The following PSEN1 variants were observed in gnomAD, a reference collection of about 807,000 sequenced individuals.
PSEN1 encodes the protein presenilin-1.
PSEN1 carries 15 observed loss-of-function variants against 53.5 expected under a neutral mutation model. The ratio of observed to expected loss-of-function variants is 0.28; its 90% CI spans 0.19 to 0.43. PSEN1 has a LOEUF of 0.43. PSEN1 is among the 20% of genes least tolerant of loss of function. The probability of loss-of-function intolerance (pLI) is 1.00; values close to 1 mark genes in which losing one functional copy is unlikely to be tolerated. For missense variants in PSEN1, 387 were observed against 571.2 expected (o/e 0.68, Z 3.29); for synonymous variants, 208 against 209.8 (o/e 0.99, Z 0.08).
intron 5 of PSEN1, among the ~76,000 whole-genome samples, chr14:73,180,829 T>C (rs913822234): frequency 1.3e-5 from 2 of 152,238 alleles, no homozygotes; most frequent in Non-Finnish European, 1.5e-5. Context: ...GAAATGCATA[T>C]GAAAATAACA....
chr14:73,221,043 GTTTAGAATA>G lies in PSEN1; in HGVS notation c.*1758_*1766del, dbSNP rs1050428784. 6.6e-6 allele frequency: 1 copy of G among 152,170 alleles called. No homozygotes were observed. Among genetic ancestry groups the G allele is most frequent in the African/African-American group, 2.4e-5 (1 of 41,436 alleles). 9.4% of individuals were successfully genotyped at this position (152,170 alleles called of 1,614,324 possible). A position where few individuals can be genotyped will look rare whatever the true frequency, so the allele number is the denominator to read the frequency against. On this transcript the variant is annotated 3_prime_UTR_variant, in exon 12 of 12. Coordinates refer to ENST00000324501, the MANE Select transcript of PSEN1 (RefSeq NM_000021.4). ...GACCTGGTTTGGGGCTGTCTTTGGTGTTTAGAATATTTGTTTTCTGTCCCAGGATATTTC... is the reference window on the plus strand; with the variant it reads ...GACCTGGTTTGGGGCTGTCTTTGGTGTTTGTTTTCTGTCCCAGGATATTTC...
intron 5 of PSEN1, among the ~76,000 whole-genome samples, chr14:73,175,044 G>A (rs1898004941): frequency 6.6e-6 from 1 of 152,178 alleles, no homozygotes; most frequent in Non-Finnish European, 1.5e-5. Flanking sequence ...TGTTCGGCCA[G>A]GCATGGTGGC....
In PSEN1 at chr14:73,219,825, G is replaced by T. The variant is rs201525609; in HGVS notation, c.*536G>T. ...ATGGGGAATGGAGAGGTGGGCAGGG[G>T]TTCCAGCTTCCCTTTGATTTTTTGC... On this transcript the variant is annotated 3_prime_UTR_variant, in exon 12 of 12. Transcript: ENST00000324501. 18 of 157,736 alleles carry T rather than the reference G, an allele frequency of 1.1e-4. No homozygotes were observed. The South Asian group carries it at 2.9e-3, about 25-fold the overall frequency. 9.8% of individuals were successfully genotyped at this position (157,736 alleles called of 1,614,324 possible). A position where few individuals can be genotyped will look rare whatever the true frequency, so the allele number is the denominator to read the frequency against.
chr14:73,173,865 A>C (rs143229105), intron 5 of PSEN1, 158 bp downstream of exon 5: 4 of 911,642 alleles, frequency 4.4e-6, no homozygotes, highest in Non-Finnish European at 7.1e-6. Context: ...GGAACATTCA[A>C]AAAATACAAA....
rs565338924 is a variant in PSEN1, at chr14:73,152,034, C to T, written c.87+3928C>T. 3.3e-3 allele frequency among the ~76,000 whole-genome samples: 488 copies of T among 148,890 alleles called. 1 individual carries two copies. Among genetic ancestry groups the T allele is most frequent in the Middle Eastern group, 7.0e-3 (2 of 286 alleles). ...TCACGCCATTCTCCTGCCTCAGCCT[C>T]CCAAGTAGCTGGGACTACAGGCGCC... On this transcript the variant is annotated intron_variant, in intron 3 of 11. Coordinates refer to ENST00000324501, the MANE Select transcript of PSEN1 (RefSeq NM_000021.4).
At chr14:73,212,040 T>A in intron 10 of PSEN1, 98 bp downstream of exon 10, 1 of 921,838 alleles carries the variant, frequency 1.1e-6, no homozygotes, top group Non-Finnish European at 1.6e-6. Context: ...TGTTACAGTC[T>A]AATTCTATAT....
intron 5 of PSEN1, among the ~76,000 whole-genome samples, chr14:73,185,844 C>A (rs1388409537): frequency 6.6e-6 from 1 of 152,010 alleles, no homozygotes; most frequent in African/African-American, 2.4e-5. Context: ...TCACTGCGCC[C>A]GATCTCTCAG....
intron 1 of PSEN1, among the ~76,000 whole-genome samples, chr14:73,138,322 C>A (rs1896807431): frequency 6.6e-6 from 1 of 151,536 alleles, no homozygotes; most frequent in African/African-American, 2.4e-5. Context: ...GGGTTCACGC[C>A]ATTCTCCTGC....
chr14:73,153,151 C>A (rs1897272133), intron 3 of PSEN1, among the ~76,000 whole-genome samples: 2 of 152,284 alleles, frequency 1.3e-5, no homozygotes, highest in South Asian at 2.1e-4. Context: ...ATAGAATCTG[C>A]AGCTCTGGTT....
chr14:73,198,305 G>A (rs1255731273), intron 8 of PSEN1, among the ~76,000 whole-genome samples, 176 bp downstream of exon 8: 2 of 152,174 alleles, frequency 1.3e-5, no homozygotes, highest in East Asian at 3.8e-4. Flanking sequence ...ACCTGATGTT[G>A]ATTCAAGAGA....
intron 3 of PSEN1, among the ~76,000 whole-genome samples, chr14:73,163,631 G>A (rs3025778): frequency 3.0e-3 from 461 of 152,226 alleles, no homozygotes; most frequent in African/African-American, 0.011. Flanking sequence ...CCAGATCAAC[G>A]TAGAGAAAGG....
At chr14:73,164,956 C>CT (rs953934974) in intron 3 of PSEN1, among the ~76,000 whole-genome samples, 6 of 151,854 alleles carry the variant, frequency 4.0e-5, no homozygotes, top group South Asian at 2.1e-4. Context: ...CAAAATTGTA[C>CT]TTTTTTTTGT....
In PSEN1 at chr14:73,222,737, A is replaced by G. The variant is rs1900141399; in HGVS notation, c.*3448A>G. 6.6e-6 allele frequency: 1 copy of G among 152,244 alleles called. No individual in the cohort carries two copies. The highest frequency in any genetic ancestry group is 2.4e-5 in the African/African-American group (1 of 41,470). The allele number at this position is 152,244 out of a possible 1,614,324, so 9.4% of individuals were successfully genotyped here. A position where few individuals can be genotyped will look rare whatever the true frequency, so the allele number is the denominator to read the frequency against. ...CTAAAATATTGGGTATTTGTCAAAT[A>G]ACCACTTTTAACAGTTACCATTACT... is the stretch of plus-strand genomic sequence containing the variant. On this transcript the variant is annotated 3_prime_UTR_variant, in exon 12 of 12. Coordinates refer to ENST00000324501, the MANE Select transcript of PSEN1 (RefSeq NM_000021.4).
intron 1 of PSEN1, chr14:73,146,261 C>T (rs904109670): frequency 7.4e-5 from 11 of 148,492 alleles, no homozygotes; most frequent in African/African-American, 2.5e-4. Flanking sequence ...GATCTTGGCT[C>T]ACTGCAGCCT....
chr14:73,219,395 C>T lies in PSEN1; in HGVS notation c.*106C>T, dbSNP rs554858864. ...GTCCACATCTAACAAAGTCAAGATTCCCGGCTGGACTTTTGCAGCTTCCTT... is the reference window on the plus strand; with the variant it reads ...GTCCACATCTAACAAAGTCAAGATTTCCGGCTGGACTTTTGCAGCTTCCTT... On this transcript the variant is annotated 3_prime_UTR_variant, in exon 12 of 12. Coordinates refer to ENST00000324501, the MANE Select transcript of PSEN1 (RefSeq NM_000021.4). The T allele has an allele frequency of 4.7e-6, 6 of 1,268,944 alleles. No individual in the cohort carries two copies. Among genetic ancestry groups the T allele is most frequent in the Admixed American group, 3.4e-5 (2 of 59,142 alleles). The allele number at this position is 1,268,944 out of a possible 1,614,324, so 78.6% of individuals were successfully genotyped here. A position where few individuals can be genotyped will look rare whatever the true frequency, so the allele number is the denominator to read the frequency against.
intron 8 of PSEN1, among the ~76,000 whole-genome samples, chr14:73,201,886 A>G (rs888753864): frequency 6.6e-6 from 1 of 152,006 alleles, no homozygotes; most frequent in Non-Finnish European, 1.5e-5. Flanking sequence ...AGCTGGGATT[A>G]TAGGCACCCA....
intron 3 of PSEN1, among the ~76,000 whole-genome samples, chr14:73,155,404 C>T (rs1897325860): frequency 1.3e-5 from 2 of 152,160 alleles, no homozygotes; most frequent in African/African-American, 4.8e-5. Context: ...CACTACCTAG[C>T]ACATACTTGT....
intron 7 of PSEN1, among the ~76,000 whole-genome samples, chr14:73,194,607 C>T (rs1222365114): frequency 7.1e-6 from 1 of 141,708 alleles, no homozygotes; most frequent in African/African-American, 2.7e-5. Flanking sequence ...CTGGCTCTGT[C>T]GCCCAGACTG....
intron 1 of PSEN1, among the ~76,000 whole-genome samples, chr14:73,140,426 G>T (rs1258757248): frequency 6.6e-6 from 1 of 151,824 alleles, no homozygotes; most frequent in Non-Finnish European, 1.5e-5. Flanking sequence ...GGCCAGGCTG[G>T]TCTCGAACTC....
Sources: gnomAD v4.1 joint callset for allele counts (sites outside exome capture counted in the v4.1 genomes callset) on GRCh38, gnomAD v4.1.1 for gene constraint, MANE v1.5 for transcripts, NCBI Gene and HGNC (gene_info 2026-07-23, HGNC 2026-07-21) for gene names.